The following MAGI1 variants were observed in gnomAD, a reference collection of about 807,000 sequenced individuals.
MAGI1 encodes membrane-associated guanylate kinase, WW and PDZ domain-containing protein 1.
A neutral mutation model predicts 139.9 loss-of-function variants in MAGI1; 58 were observed. The observed-to-expected ratio is 0.41, with a 90% CI of 0.34 to 0.52. The LOEUF is 0.52. Among genes scored for constraint, MAGI1 ranks in the 20% least tolerant of loss-of-function variants. The pLI, the probability that MAGI1 is intolerant of heterozygous loss-of-function variation, is 0.12. For missense variants in MAGI1, 1,874 were observed against 1,901.6 expected, an observed-to-expected ratio of 0.99 and a Z score of 0.27; for synonymous variants, 812 against 737.9, an observed-to-expected ratio of 1.10 and a Z score of -1.63.
chr3:65,981,722 A>G (rs539727551), intron 1 of MAGI1, among the ~76,000 whole-genome samples: 2 of 152,046 alleles, frequency 1.3e-5, no homozygotes, highest in Non-Finnish European at 2.9e-5. Context: ...GTCTCACAAG[A>G]ACTGATGGTT....
chr3:65,881,991 CA>C (rs1202696094), intron 1 of MAGI1, among the ~76,000 whole-genome samples: 2 of 152,196 alleles, frequency 1.3e-5, no homozygotes, highest in East Asian at 3.9e-4. Context: ...TCCTATTCCC[CA>C]AGCAACCTTC....
At chr3:65,939,680 C>T (rs1056736856) in intron 1 of MAGI1, among the ~76,000 whole-genome samples, 2 of 152,162 alleles carry the variant, frequency 1.3e-5, no homozygotes, top group Non-Finnish European at 2.9e-5. Flanking sequence ...CTTCCCTGGA[C>T]TGTGTCATCT....
At chr3:65,486,815 AG>A in intron 3 of MAGI1, among the ~76,000 whole-genome samples, 1 of 152,324 alleles carries the variant, frequency 6.6e-6, no homozygotes, top group African/African-American at 2.4e-5. Context: ...GTCGGTGGAT[AG>A]AAAGTTTCAG....
intron 1 of MAGI1, among the ~76,000 whole-genome samples, chr3:66,013,325 C>T (rs759679173): frequency 2.0e-5 from 3 of 151,564 alleles, no homozygotes; most frequent in Non-Finnish European, 4.4e-5. Flanking sequence ...ATCACTTGTA[C>T]CCAGGTGGCA....
intron 1 of MAGI1, among the ~76,000 whole-genome samples, chr3:65,699,935 C>T (rs1393942224): frequency 6.6e-6 from 1 of 151,508 alleles, no homozygotes; most frequent in Non-Finnish European, 1.5e-5. Context: ...TTAGGCCTTG[C>T]CCCAGACCTA....
chr3:65,587,177 G>A (rs773109732), intron 2 of MAGI1, among the ~76,000 whole-genome samples: 7 of 152,094 alleles, frequency 4.6e-5, no homozygotes, highest in South Asian at 2.1e-4. Context: ...GATGCTCCTC[G>A]ACTCACTTTG....
chr3:65,655,313 A>T lies in MAGI1; in HGVS notation c.314-33225T>A, dbSNP rs567532256. Reference sequence around the variant, plus strand: ...AAACCCATAAAGGCTCAAAAAACACATAAAGCAATGCACTAATTAAAAGGA... The same window carrying T: ...AAACCCATAAAGGCTCAAAAAACACTTAAAGCAATGCACTAATTAAAAGGA... On this transcript the variant is annotated intron_variant, in intron 1 of 22. Coordinates refer to ENST00000402939, the MANE Select transcript of MAGI1 (RefSeq NM_001033057.2). Among the ~76,000 whole-genome samples, 3 of 152,324 alleles carry T rather than the reference A, an allele frequency of 2.0e-5. No individual in the cohort carries two copies. The South Asian group carries it at 6.2e-4, about 32-fold the overall frequency.
rs1235937656 is a variant in MAGI1, at chr3:65,692,858, AG to A, written c.314-70771del. Among the ~76,000 whole-genome samples the A allele has an allele frequency of 2.0e-5, 3 of 152,148 alleles. No homozygotes were observed. In the East Asian group the frequency reaches 5.8e-4, roughly 29 times the overall value. ...CTGCAGACAGTCCTCACAAACAAGAAGGTATTCATCAAATGGGGTCCTAGAC... is the reference window on the plus strand; with the variant it reads ...CTGCAGACAGTCCTCACAAACAAGAAGTATTCATCAAATGGGGTCCTAGAC... On this transcript the variant is annotated intron_variant, in intron 1 of 22. Transcript: ENST00000402939.
At chr3:65,557,568 C>T (rs1472402517) in intron 2 of MAGI1, among the ~76,000 whole-genome samples, 1 of 152,174 alleles carries the variant, frequency 6.6e-6, no homozygotes, top group Non-Finnish European at 1.5e-5. Flanking sequence ...TACCTTAAAA[C>T]TTAGCAATAG....
At chr3:65,608,128 C>T (rs1292981523) in intron 2 of MAGI1, among the ~76,000 whole-genome samples, 1 of 152,082 alleles carries the variant, frequency 6.6e-6, no homozygotes, top group Non-Finnish European at 1.5e-5. Flanking sequence ...AATCAGAAAG[C>T]AAATGACAAT....
intron 1 of MAGI1, among the ~76,000 whole-genome samples, chr3:65,730,975 A>G (rs931040772): frequency 1.3e-5 from 2 of 152,010 alleles, no homozygotes; most frequent in East Asian, 3.9e-4. Flanking sequence ...AATTCAATGA[A>G]AAGAATCACA....
At chr3:66,027,296 A>AG (rs879798517) in intron 1 of MAGI1, among the ~76,000 whole-genome samples, 4 of 149,816 alleles carry the variant, frequency 2.7e-5, no homozygotes, top group Non-Finnish European at 4.5e-5. Context: ...AAATAAATAA[A>AG]TAAATAAATA....
intron 1 of MAGI1, among the ~76,000 whole-genome samples, chr3:65,849,397 G>A (rs536822465): frequency 1.3e-5 from 2 of 151,364 alleles, no homozygotes; most frequent in East Asian, 3.9e-4. Flanking sequence ...GAATGACAGT[G>A]ATGAGCACAG....
At chr3:65,972,006 T>C (rs2065034873) in intron 1 of MAGI1, among the ~76,000 whole-genome samples, 1 of 152,160 alleles carries the variant, frequency 6.6e-6, no homozygotes, top group African/African-American at 2.4e-5. Context: ...ATGAGAGAAC[T>C]AGCAAAGGGC....
chr3:65,497,885 G>A (rs1175245342), intron 2 of MAGI1, among the ~76,000 whole-genome samples: 1 of 152,114 alleles, frequency 6.6e-6, no homozygotes, highest in African/African-American at 2.4e-5. Context: ...GCATGGGAAG[G>A]GAGTGGGAAG....
At chr3:65,886,772 T>C (rs1410369053) in intron 1 of MAGI1, among the ~76,000 whole-genome samples, 2 of 152,196 alleles carry the variant, frequency 1.3e-5, no homozygotes, top group Non-Finnish European at 2.9e-5. Context: ...AAGGTAGAAA[T>C]GAACTTCTAC....
intron 1 of MAGI1, among the ~76,000 whole-genome samples, chr3:65,781,833 C>G (rs1333536279): frequency 5.9e-5 from 9 of 152,350 alleles, no homozygotes; most frequent in African/African-American, 2.2e-4. Context: ...TACGCAAACA[C>G]AGAGAGTACA....
chr3:65,736,566 T>C (rs533945019), intron 1 of MAGI1, among the ~76,000 whole-genome samples: 1 of 152,054 alleles, frequency 6.6e-6, no homozygotes, highest in Non-Finnish European at 1.5e-5. Context: ...CTTGAGAACC[T>C]GGGGTGGGTA....
intron 1 of MAGI1, among the ~76,000 whole-genome samples, chr3:65,867,521 A>T (rs1451200084): frequency 6.6e-6 from 1 of 152,012 alleles, no homozygotes; most frequent in Non-Finnish European, 1.5e-5. Context: ...GACTGCTTGA[A>T]CCTAGGAGTT....
Sources: gnomAD v4.1 joint callset for allele counts (sites outside exome capture counted in the v4.1 genomes callset) on GRCh38, gnomAD v4.1.1 for gene constraint, MANE v1.5 for transcripts, NCBI Gene and HGNC (gene_info 2026-07-23, HGNC 2026-07-21) for gene names.